The following COG5 variants were observed in gnomAD, a reference collection of about 807,000 sequenced individuals.
COG5 encodes the protein component of oligomeric golgi complex 5.
COG5 carries 86 observed loss-of-function variants against 110.4 expected under a neutral mutation model. The observed-to-expected ratio is 0.78, with a 90% CI of 0.65 to 0.93. The LOEUF (loss-of-function observed/expected upper bound fraction) is 0.93, where lower values mean the gene tolerates loss of function less well. Among genes scored for constraint, COG5 ranks in the 40% least tolerant of loss-of-function variants. The probability of loss-of-function intolerance (pLI) is 0.00; values close to 1 mark genes in which losing one functional copy is unlikely to be tolerated. For synonymous variants in COG5, 360 were observed against 334.6 expected, an observed-to-expected ratio of 1.08 and a Z score of -0.83; for missense variants, 1,077 against 987.0, an observed-to-expected ratio of 1.09 and a Z score of -1.22.
chr7:107,208,902 T>C (rs1186593524), intron 21 of COG5: 1 of 985,368 alleles, frequency 1.0e-6, no homozygotes. Context: ...CTAACTGAAA[T>C]ATGACCCACT....
intron 6 of COG5, among the ~76,000 whole-genome samples, chr7:107,515,445 G>A (rs1799854463): frequency 5.3e-5 from 8 of 152,110 alleles, no homozygotes; most frequent in Admixed American, 5.2e-4. Context: ...GTTTTCACAA[G>A]TGGGATTAGT....
intron 14 of COG5, among the ~76,000 whole-genome samples, chr7:107,273,668 G>A (rs896724936): frequency 1.3e-5 from 2 of 152,126 alleles, no homozygotes; most frequent in Admixed American, 6.5e-5. Flanking sequence ...AACATGGTAA[G>A]TAAAAAGTTA....
chr7:107,453,149 C>G (rs1443011307), intron 6 of COG5, among the ~76,000 whole-genome samples: 1 of 152,138 alleles, frequency 6.6e-6, no homozygotes, highest in African/African-American at 2.4e-5. Flanking sequence ...AGCAATCAGA[C>G]CTTCCTATGG....
intron 6 of COG5, among the ~76,000 whole-genome samples, chr7:107,435,267 A>C (rs1371053526): frequency 6.6e-6 from 1 of 152,228 alleles, no homozygotes; most frequent in African/African-American, 2.4e-5. Context: ...GTGCAGTTAA[A>C]AATGACTAAG....
intron 6 of COG5, chr7:107,472,131 T>C (rs770531231): frequency 6.6e-6 from 1 of 152,040 alleles, no homozygotes; most frequent in Non-Finnish European, 1.5e-5. Flanking sequence ...TCTGAGGAAA[T>C]TCCTCTTGGC....
In COG5 at chr7:107,202,688, G is replaced by C. The variant is rs7981; in HGVS notation, c.*828C>G. ...TAGGATTTTAAAAATTAAAAACAAT[G>C]TTAATAGTGGAACAAGAGCCATCAG... On this transcript the variant is annotated 3_prime_UTR_variant, in exon 22 of 22. Coordinates refer to ENST00000297135, the MANE Select transcript of COG5 (RefSeq NM_006348.5). 23,843 of 151,962 alleles carry C rather than the reference G, an allele frequency of 0.16. 2,329 individuals are homozygous for C. Among genetic ancestry groups the C allele is most frequent in the Non-Finnish European group, 0.22 (14,731 of 67,940 alleles). The allele number at this position is 151,962 out of a possible 1,614,324, so 9.4% of individuals were successfully genotyped here.
At chr7:107,421,071 A>G (rs1335527042) in intron 6 of COG5, among the ~76,000 whole-genome samples, 1 of 152,194 alleles carries the variant, frequency 6.6e-6, no homozygotes, top group Non-Finnish European at 1.5e-5. Flanking sequence ...CTCAGAGCCA[A>G]TGGAAAGAAA....
intron 6 of COG5, among the ~76,000 whole-genome samples, chr7:107,414,568 G>A (rs192740209): frequency 7.3e-4 from 111 of 151,868 alleles, no homozygotes; most frequent in African/African-American, 2.5e-3. Context: ...CATGGCTACC[G>A]GAATAAATGT....
At chr7:107,518,052 A>C (rs1041213146) in intron 6 of COG5, among the ~76,000 whole-genome samples, 2 of 152,150 alleles carry the variant, frequency 1.3e-5, no homozygotes, top group Non-Finnish European at 1.5e-5. Flanking sequence ...AGCCAAACTA[A>C]GCTTCATGAA....
chr7:107,209,120 G>C, intron 21 of COG5: 1 of 985,498 alleles, frequency 1.0e-6, no homozygotes, highest in Non-Finnish European at 1.2e-6. Context: ...TGGCTTTAGG[G>C]AACTCAACTC....
intron 6 of COG5, among the ~76,000 whole-genome samples, chr7:107,429,465 T>G (rs1420345212): frequency 6.6e-6 from 1 of 152,106 alleles, no homozygotes; most frequent in African/African-American, 2.4e-5. Flanking sequence ...CCCAGTTTTT[T>G]TTTTTTTTAA....
At chr7:107,210,136 T>G in intron 21 of COG5, 2 of 1,071,720 alleles carry the variant, frequency 1.9e-6, no homozygotes, top group Non-Finnish European at 2.3e-6. Context: ...CACTTGGGTA[T>G]TTTTAAAAAT....
chr7:107,509,487 C>A (rs1026932566), intron 6 of COG5, among the ~76,000 whole-genome samples: 15 of 152,084 alleles, frequency 9.9e-5, no homozygotes, highest in Non-Finnish European at 1.5e-5. Context: ...GGATATTATC[C>A]AGGAGAACTT....
chr7:107,508,050 G>A (rs1368654700), intron 6 of COG5, among the ~76,000 whole-genome samples: 5 of 152,232 alleles, frequency 3.3e-5, no homozygotes, highest in Admixed American at 6.5e-5. Context: ...TGGGTGCAAC[G>A]CACCATGCAC....
At chr7:107,208,512 C>A in intron 21 of COG5, 1 of 985,386 alleles carries the variant, frequency 1.0e-6, no homozygotes, top group Non-Finnish European at 1.2e-6. Context: ...TTTAAGACGA[C>A]TGAGTGTGTT....
intron 6 of COG5, among the ~76,000 whole-genome samples, chr7:107,499,018 T>C (rs911007793): frequency 2.6e-5 from 4 of 152,156 alleles, no homozygotes; most frequent in African/African-American, 7.2e-5. Flanking sequence ...ATCTTATGGA[T>C]ATTATGCTTA....
At chr7:107,245,451 A>G (rs1026580503) in intron 17 of COG5, among the ~76,000 whole-genome samples, 27 of 152,202 alleles carry the variant, frequency 1.8e-4, no homozygotes, top group African/African-American at 6.3e-4. Flanking sequence ...ACATGATTCT[A>G]TATCTAGAAA....
intron 6 of COG5, among the ~76,000 whole-genome samples, chr7:107,415,669 T>C (rs759488080): frequency 6.6e-6 from 1 of 151,354 alleles, no homozygotes; most frequent in Admixed American, 6.6e-5. Context: ...ACAGTGTTAA[T>C]TGCAACAGTA....
At chr7:107,462,545 G>T (rs1326562780) in intron 6 of COG5, among the ~76,000 whole-genome samples, 1 of 149,692 alleles carries the variant, frequency 6.7e-6, no homozygotes, top group Non-Finnish European at 1.5e-5. Flanking sequence ...CAGAGGGAAA[G>T]GCAACAACCC....
Sources: gnomAD v4.1 joint callset for allele counts (sites outside exome capture counted in the v4.1 genomes callset) on GRCh38, gnomAD v4.1.1 for gene constraint, MANE v1.5 for transcripts, NCBI Gene and HGNC (gene_info 2026-07-23, HGNC 2026-07-21) for gene names.